Variants in ATP9A observed in about 807,000 individuals in gnomAD.
ATP9A encodes the protein ATPase phospholipid transporting 9A, also known as probable phospholipid-transporting ATPase IIA.
Under a neutral mutation model 144.1 loss-of-function variants are expected in ATP9A, and 52 were observed. That is an observed-to-expected ratio of 0.36 (90% CI 0.29 to 0.45). The LOEUF (loss-of-function observed/expected upper bound fraction) is 0.45. Ranked by LOEUF, ATP9A falls within the 20% of genes least tolerant of loss-of-function variation. The pLI is 1.00. For synonymous variants in ATP9A, 582 were observed against 557.4 expected, an observed-to-expected ratio of 1.04 and a Z score of -0.62; for missense variants, 947 against 1,392.7, an observed-to-expected ratio of 0.68 and a Z score of 5.09.
chr20:51,690,345 G>C (rs557989199), intron 8 of ATP9A, among the ~76,000 whole-genome samples: 1 of 151,970 alleles, frequency 6.6e-6, no homozygotes, highest in African/African-American at 2.4e-5. Flanking sequence ...GCGTGAACCC[G>C]GGAGACGGAG....
At chr20:51,668,693 G>T (rs974724165) in intron 13 of ATP9A, among the ~76,000 whole-genome samples, 3 of 152,138 alleles carry the variant, frequency 2.0e-5, no homozygotes, top group Non-Finnish European at 2.9e-5. Flanking sequence ...AAGGTCCATG[G>T]ATCCATTTGG....
intron 15 of ATP9A, among the ~76,000 whole-genome samples, chr20:51,635,237 C>T (rs547481791): frequency 1.2e-4 from 19 of 152,314 alleles, no homozygotes; most frequent in Middle Eastern, 3.4e-3. Flanking sequence ...CTCTGGCCAA[C>T]AGCCAGGAAA....
chr20:51,638,615 C>G (rs1174875098), intron 15 of ATP9A, among the ~76,000 whole-genome samples: 6 of 152,056 alleles, frequency 3.9e-5, no homozygotes, highest in Non-Finnish European at 1.5e-5. Flanking sequence ...GTAATTCCAG[C>G]ACTTTGGGAG....
intron 14 of ATP9A, among the ~76,000 whole-genome samples, chr20:51,649,474 G>T (rs2122759978): frequency 6.6e-6 from 1 of 152,314 alleles, no homozygotes; most frequent in East Asian, 1.9e-4. Flanking sequence ...CACAGAGCAG[G>T]TATTCAATAG....
At chr20:51,677,106 G>GT (rs1049010340) in intron 9 of ATP9A, among the ~76,000 whole-genome samples, 130 of 150,292 alleles carry the variant, frequency 8.6e-4, no homozygotes, top group African/African-American at 2.6e-3. Context: ...GCTAATTTTT[G>GT]TTTTTTTTGT....
chr20:51,692,200 A>C (rs541853572), intron 7 of ATP9A, among the ~76,000 whole-genome samples: 3 of 152,354 alleles, frequency 2.0e-5, no homozygotes, highest in East Asian at 3.9e-4. Context: ...ACGTCAATGT[A>C]CTTCATGCCA....
At chr20:51,717,961 AAAG>A (rs912123607) in intron 3 of ATP9A, among the ~76,000 whole-genome samples, 4 of 152,000 alleles carry the variant, frequency 2.6e-5, no homozygotes, top group African/African-American at 9.7e-5. Context: ...AAAAAAAAAA[AAAG>A]AAAGAAAGAA....
rs374368443 is a variant in ATP9A, at chr20:51,621,660, G to A, written c.2115+414C>T. ...GCTTCCCCTCTCAGGAGGGCAGATGGACCAGTATCTGTGGCCTGGAATTTC... is the reference window on the plus strand; with the variant it reads ...GCTTCCCCTCTCAGGAGGGCAGATGAACCAGTATCTGTGGCCTGGAATTTC... On this transcript the variant is annotated intron_variant, in intron 19 of 27. Coordinates refer to ENST00000338821, the MANE Select transcript of ATP9A (RefSeq NM_006045.3). Among the ~76,000 whole-genome samples, 7 of 152,262 alleles carry A rather than the reference G, an allele frequency of 4.6e-5. No individual in the cohort carries two copies. In the South Asian group the frequency reaches 8.3e-4, roughly 18 times the overall value.
At chr20:51,647,763 T>C (rs1017785541) in intron 14 of ATP9A, among the ~76,000 whole-genome samples, 33 of 152,112 alleles carry the variant, frequency 2.2e-4, no homozygotes, top group African/African-American at 8.0e-4. Context: ...GAAATGACTA[T>C]ATATTAACTC....
intron 5 of ATP9A, among the ~76,000 whole-genome samples, chr20:51,697,154 C>T (rs961840670): frequency 1.3e-5 from 2 of 152,102 alleles, no homozygotes; most frequent in Non-Finnish European, 2.9e-5. Context: ...ATAAGCACAT[C>T]GAACAGGAAA....
intron 7 of ATP9A, among the ~76,000 whole-genome samples, chr20:51,693,513 T>C (rs1249042688): frequency 6.6e-6 from 1 of 150,858 alleles, no homozygotes; most frequent in Non-Finnish European, 1.5e-5. Flanking sequence ...GGAGGGTTGT[T>C]TTTTTTTTAT....
intron 1 of ATP9A, among the ~76,000 whole-genome samples, chr20:51,748,525 T>C (rs2077817613): frequency 6.6e-6 from 1 of 152,202 alleles, no homozygotes; most frequent in African/African-American, 2.4e-5. Context: ...TTTTTAAATA[T>C]TATACAAAAC....
intron 22 of ATP9A, among the ~76,000 whole-genome samples, chr20:51,615,030 G>A (rs987621615): frequency 1.5e-5 from 2 of 136,196 alleles, no homozygotes; most frequent in East Asian, 4.7e-4. Flanking sequence ...TTAACACGGG[G>A]TTGAGCATGA....
At chr20:51,685,034 A>C (rs1432265408) in intron 9 of ATP9A, among the ~76,000 whole-genome samples, 1 of 151,796 alleles carries the variant, frequency 6.6e-6, no homozygotes, top group Non-Finnish European at 1.5e-5. Flanking sequence ...AAAAAAAAAA[A>C]AAAAAATACA....
At chr20:51,703,692 T>C (rs774015332) in intron 4 of ATP9A, among the ~76,000 whole-genome samples, 5 of 152,208 alleles carry the variant, frequency 3.3e-5, no homozygotes, top group Non-Finnish European at 2.9e-5. Context: ...GATGTTTCCC[T>C]TGAGTCGAAA....
chr20:51,714,417 T>C (rs2077653406), intron 3 of ATP9A, among the ~76,000 whole-genome samples: 1 of 151,794 alleles, frequency 6.6e-6, no homozygotes, highest in African/African-American at 2.4e-5. Flanking sequence ...AGTCTCACTC[T>C]GTTACCCAGG....
At position 51,697,605 on chromosome 20, in the gene ATP9A, T is replaced by C. The variant is rs35677743; in HGVS notation, c.437-123A>G. 3.8e-6 allele frequency: 3 copies of C among 793,316 alleles called. No individual in the cohort carries two copies. The East Asian group carries it at 8.0e-5, about 21-fold the overall frequency. 49.1% of individuals were successfully genotyped at this position (793,316 alleles called of 1,614,324 possible). The stretch of plus-strand genomic sequence containing the variant: ...AGAAGTACACGCTCCCACACACAGC[T>C]GCCAGTGACTCCAGCACCATTATTT... On this transcript the variant is annotated intron_variant, in intron 4 of 27. Transcript: ENST00000338821.
At chr20:51,675,939 C>T (rs2077475308) in intron 10 of ATP9A, among the ~76,000 whole-genome samples, 193 bp downstream of exon 10, 1 of 149,308 alleles carries the variant, frequency 6.7e-6, no homozygotes, top group African/African-American at 2.5e-5. Flanking sequence ...CATGTAACTA[C>T]ATATTTACGT....
intron 13 of ATP9A, among the ~76,000 whole-genome samples, chr20:51,658,516 C>CTTTT (rs35371153): frequency 1.1e-4 from 12 of 106,892 alleles, no homozygotes; most frequent in South Asian, 3.3e-4. Flanking sequence ...CCTATGCTTC[C>CTTTT]TTTTTTTTTT....
Sources: gnomAD v4.1 joint callset for allele counts (sites outside exome capture counted in the v4.1 genomes callset) on GRCh38, gnomAD v4.1.1 for gene constraint, MANE v1.5 for transcripts, NCBI Gene and HGNC (gene_info 2026-07-23, HGNC 2026-07-21) for gene names.